Variants in CARD10 observed in about 807,000 individuals in gnomAD.
CARD10 encodes caspase recruitment domain-containing protein 10.
CARD10 carries 49 observed loss-of-function variants against 114.6 expected under a neutral mutation model. That is an observed-to-expected ratio of 0.43 (90% CI 0.34 to 0.54). The LOEUF (loss-of-function observed/expected upper bound fraction) is 0.54, where lower values mean the gene tolerates loss of function less well. CARD10 is among the 20% of genes least tolerant of loss of function. The probability of loss-of-function intolerance (pLI) is 0.03; values close to 1 mark genes in which losing one functional copy is unlikely to be tolerated. For synonymous variants in CARD10, 602 were observed against 593.2 expected (o/e 1.01, Z -0.21); for missense variants, 1,206 against 1,397.2 (o/e 0.86, Z 2.18).
chr22:37,507,955 C>T lies in CARD10; in HGVS notation c.1066-1G>A. 1 of 1,614,072 alleles carries T rather than the reference C, an allele frequency of 6.2e-7. No homozygotes were observed. The highest frequency in any genetic ancestry group is 8.5e-7 in the Non-Finnish European group (1 of 1,180,008). On this transcript the variant is annotated splice_acceptor_variant, in intron 5 of 19. Coordinates refer to ENST00000251973, the MANE Select transcript of CARD10 (RefSeq NM_014550.4). LOFTEE classifies it high-confidence loss of function. ...GCAGGTCTTCCATCTCCTGCAGGTA[C>T]TGAGGGTGGCACGGGGCGGGGTCAG...
In CARD10 at chr22:37,504,235, C is replaced by A; in HGVS notation, c.1585G>T (p.Gly529Cys). 1.9e-6 allele frequency: 3 copies of A among 1,579,568 alleles called. No homozygotes were observed. The highest frequency in any genetic ancestry group is 1.7e-6 in the Non-Finnish European group (2 of 1,162,020). The change falls in exon 9 of 20, where the codon GGC becomes TGC. Residue 529 changes from glycine (G) to cysteine (C), a missense_variant. Coordinates refer to ENST00000251973, the MANE Select transcript of CARD10 (RefSeq NM_014550.4). ...TCACGCTGCCGGCGGAGGATGGAGC[C>A]GGCACTGGGGGGGAAGGGCAGGATG... Reference protein sequence around the residue: ...LSILPFPPSAGSILRRQREED... With the variant: ...LSILPFPPSACSILRRQREED...
rs145269354 is a variant in CARD10, at chr22:37,515,123, T to G, written c.699+850A>C. ...GAGTCTCAGAGTCTGTATTTGCAAA[T>G]GAGGGCTTGGCGTATGGTGCTTTGG... On this transcript the variant is annotated intron_variant, in intron 3 of 19. Coordinates refer to ENST00000251973, the MANE Select transcript of CARD10 (RefSeq NM_014550.4). Among the ~76,000 whole-genome samples, 976 of 152,282 alleles carry G rather than the reference T, an allele frequency of 6.4e-3. 11 individuals are homozygous for G. Among genetic ancestry groups the G allele is most frequent in the African/African-American group, 0.02 (850 of 41,566 alleles).
intron 8 of CARD10, 47 bp downstream of exon 8, chr22:37,504,588 T>C (rs1923337494): frequency 2.1e-6 from 3 of 1,457,336 alleles, no homozygotes; most frequent in South Asian, 1.6e-5. Context: ...TTAGTAATAA[T>C]GCTATAGCAG....
chr22:37,510,619 A>G (rs938817057), intron 3 of CARD10, 198 bp from the exon 4 acceptor site: 2 of 580,146 alleles, frequency 3.4e-6, no homozygotes, highest in Non-Finnish European at 6.1e-6. Flanking sequence ...AGGAAGGAGC[A>G]GTGGGTAGCA....
intron 11 of CARD10, 25 bp downstream of exon 11, chr22:37,502,577 C>T: frequency 6.2e-7 from 1 of 1,610,528 alleles, no homozygotes; most frequent in South Asian, 1.1e-5. Flanking sequence ...ACCCCAGCTC[C>T]ACCCACTGCA....
chr22:37,504,564 A>C, intron 8 of CARD10, 71 bp downstream of exon 8: 1 of 1,455,642 alleles, frequency 6.9e-7, no homozygotes, highest in South Asian at 1.6e-5. Flanking sequence ...ATCCTTCAGA[A>C]AGCACTCTCC....
rs1922733008 is a variant in CARD10 at position 37,490,575 on chromosome 22, T to TG, written c.*583dup. ...TGTTAGTGCCCACATGAAACAGGGG[T>TG]GGGGCGTGACATTTACACAGGAGAG... On this transcript the variant is annotated 3_prime_UTR_variant, in exon 20 of 20. Coordinates refer to ENST00000251973, the MANE Select transcript of CARD10 (RefSeq NM_014550.4). 6.6e-6 allele frequency: 1 copy of TG among 151,610 alleles called. No homozygotes were observed. Among genetic ancestry groups the TG allele is most frequent in the Non-Finnish European group, 1.5e-5 (1 of 68,020 alleles). The allele number at this position is 151,610 out of a possible 1,614,324, so 9.4% of individuals were successfully genotyped here. A position where few individuals can be genotyped will look rare whatever the true frequency, so the allele number is the denominator to read the frequency against.
intron 3 of CARD10, chr22:37,514,601 T>C (rs1473749937): frequency 6.6e-6 from 1 of 152,342 alleles, no homozygotes; most frequent in African/African-American, 2.4e-5. Context: ...CTCCCCAAGA[T>C]ATCGACCCAC....
intron 19 of CARD10, 110 bp from the exon 20 acceptor site, chr22:37,491,503 C>T: frequency 1.8e-6 from 1 of 560,640 alleles, no homozygotes; most frequent in Non-Finnish European, 2.6e-6. Context: ...AGATGGACAA[C>T]CAAAGAGAGA....
chr22:37,508,865 C>T lies in CARD10; in HGVS notation c.910-183G>A, dbSNP rs13056819. ...CATCGGCAGAGTGGGTGTGGCCCCA[C>T]AAGCCCTACCCACCCTCCAGGGAGT... On this transcript the variant is annotated intron_variant, in intron 4 of 19. Transcript: ENST00000251973. The T allele has an allele frequency of 7.3e-3, 8,915 of 1,217,460 alleles. 53 individuals are homozygous for T. The highest frequency in any genetic ancestry group is 8.5e-3 in the Non-Finnish European group (7,433 of 869,698). 75.4% of individuals were successfully genotyped at this position (1,217,460 alleles called of 1,614,324 possible).
intron 3 of CARD10, among the ~76,000 whole-genome samples, chr22:37,512,548 T>C (rs1338265166): frequency 1.3e-5 from 2 of 149,382 alleles, no homozygotes; most frequent in East Asian, 3.9e-4. Flanking sequence ...CAGGCAATTC[T>C]ACAAATTAAC....
In CARD10 at chr22:37,516,051, G is replaced by C; in HGVS notation, c.621C>G (p.Tyr207Ter). Residue 207 changes from tyrosine to a stop codon, truncating the protein, a stop_gained, in exon 3 of 20, where the codon TAC becomes TAG. Coordinates refer to ENST00000251973, the MANE Select transcript of CARD10 (RefSeq NM_014550.4). LOFTEE classifies it high-confidence loss of function. ...LELLRLKDEN[Y>*]MIAMRLAQLS... ...GCTGTGCCAGGCGCATGGCGATCAT[G>C]TAGTTCTCATCCTTGAGCCGCAGCA... is the stretch of plus-strand genomic sequence containing the variant. 1 of 1,602,720 alleles carries C rather than the reference G, an allele frequency of 6.2e-7. No homozygotes were observed. Among genetic ancestry groups the C allele is most frequent in the Non-Finnish European group, 8.5e-7 (1 of 1,175,352 alleles).
chr22:37,518,012 A>G lies in CARD10; in HGVS notation c.332T>C (p.Leu111Pro). 1 of 1,614,048 alleles carries G rather than the reference A, an allele frequency of 6.2e-7. No homozygotes were observed. The highest frequency in any genetic ancestry group is 8.5e-7 in the Non-Finnish European group (1 of 1,179,978). Reference sequence around the variant, plus strand: ...GCGCTGGGCGGGTTCCTGGCCCGTGAGCAGCGTGAAGTGTTCGGGGTAGTA... The same window carrying G: ...GCGCTGGGCGGGTTCCTGGCCCGTGGGCAGCGTGAAGTGTTCGGGGTAGTA... ...EFYYPEHFTLLTGQEPAQRCS... is the reference protein window; with the variant it reads ...EFYYPEHFTLPTGQEPAQRCS... The change falls in exon 2 of 20, where the codon CTC (leucine) becomes CCC (proline). Residue 111 changes from leucine to proline, a missense_variant. Leu to Pro is a moderately conservative substitution (Grantham distance 98). Coordinates refer to ENST00000251973, the MANE Select transcript of CARD10 (RefSeq NM_014550.4).
intron 11 of CARD10, among the ~76,000 whole-genome samples, chr22:37,500,339 G>C (rs775764727): frequency 2.0e-5 from 3 of 152,178 alleles, no homozygotes; most frequent in Non-Finnish European, 2.9e-5. Flanking sequence ...CTGGGCAGTG[G>C]TGAGGCTATG....
At chr22:37,518,144 G>C in intron 1 of CARD10, 36 bp from the exon 2 acceptor site, 1 of 1,600,400 alleles carries the variant, frequency 6.2e-7, no homozygotes, top group Non-Finnish European at 8.5e-7. Flanking sequence ...CAGGGTCTAG[G>C]GGAAGGCCTC....
At chr22:37,516,384 A>C in intron 2 of CARD10, 86 bp from the exon 3 acceptor site, 1 of 947,396 alleles carries the variant, frequency 1.1e-6, no homozygotes, top group Non-Finnish European at 1.5e-6. Flanking sequence ...AACTCAAACC[A>C]TAAAAACACT....
At position 37,501,431 on chromosome 22, in the gene CARD10, C is replaced by T. The variant is rs1004837007; in HGVS notation, c.1787+1171G>A. 1.4e-5 allele frequency among the ~76,000 whole-genome samples: 2 copies of T among 143,914 alleles called. No homozygotes were observed. The highest frequency in any genetic ancestry group is 5.3e-5 in the African/African-American group (2 of 37,698). 94.4% of individuals were successfully genotyped at this position (143,914 alleles called of 152,430 possible). A position where few individuals can be genotyped will look rare whatever the true frequency, so the allele number is the denominator to read the frequency against. ...CCCCTTCCCCGAGAAGCACGTCCTG[C>T]ACAGGCAAAAACAATGTCTCGCTGA... On this transcript the variant is annotated intron_variant, in intron 11 of 19. Transcript: ENST00000251973. The surrounding 1 kb of genome is among the most constrained non-coding windows in gnomAD (Gnocchi z 5.4).
chr22:37,507,904 C>T lies in CARD10; in HGVS notation c.1116G>A (p.Lys372=). 5 of 1,614,202 alleles carry T rather than the reference C, an allele frequency of 3.1e-6. No homozygotes were observed. In the East Asian group the frequency reaches 8.9e-5, roughly 29 times the overall value. The change falls in exon 6 of 20, where the codon AAG becomes AAA. Residue 372 remains lysine, a synonymous_variant. Coordinates refer to ENST00000251973, the MANE Select transcript of CARD10 (RefSeq NM_014550.4). ...DLRLKHRTLQ[K]DCDLYKHRMA... Reference sequence around the variant, plus strand: ...TGCGGTGCTTGTACAGGTCACAGTCCTTCTGCAGCGTGCGGTGCTTGAGCC... The same window carrying T: ...TGCGGTGCTTGTACAGGTCACAGTCTTTCTGCAGCGTGCGGTGCTTGAGCC...
In CARD10 at chr22:37,496,349, G is replaced by A; in HGVS notation, c.2059+100C>T. 1 of 833,692 alleles carries A rather than the reference G, an allele frequency of 1.2e-6. No homozygotes were observed. The allele number at this position is 833,692 out of a possible 1,614,324, so 51.6% of individuals were successfully genotyped here. A position where few individuals can be genotyped will look rare whatever the true frequency, so the allele number is the denominator to read the frequency against. ...CCAGGAGAAGGGCAATTGGGGCAAG[G>A]CTGGTCCCTTCTCAGGTCCTTGGTC... On this transcript the variant is annotated intron_variant, in intron 13 of 19. Transcript: ENST00000251973. The surrounding 1 kb of genome is among the most constrained non-coding windows in gnomAD (Gnocchi z 4.1).
Sources: allele counts gnomAD v4.1 joint callset (sites outside exome capture counted in the v4.1 genomes callset), GRCh38; gene constraint gnomAD v4.1.1; non-coding constraint Gnocchi (gnomAD v3.1); transcripts MANE v1.5; gene names NCBI Gene and HGNC (gene_info 2026-07-23, HGNC 2026-07-21).